MITF: variants seen among roughly 807,000 people sequenced by gnomAD.
MITF encodes melanocyte inducing transcription factor, also known as microphthalmia-associated transcription factor.
Under a neutral mutation model 60.5 loss-of-function variants are expected in MITF, and 17 were observed. That is an observed-to-expected ratio of 0.28 (90% CI 0.19 to 0.42). MITF has a LOEUF of 0.42. MITF is among the 10% of genes least tolerant of loss of function. MITF has a pLI of 1.00. For missense variants in MITF, 622 were observed against 683.5 expected (o/e 0.91, Z 1.00); for synonymous variants, 260 against 248.5 (o/e 1.05, Z -0.43).
At chr3:69,882,196 A>G (rs2107288634) in intron 2 of MITF, among the ~76,000 whole-genome samples, 1 of 152,288 alleles carries the variant, frequency 6.6e-6, no homozygotes, top group East Asian at 1.9e-4. Context: ...TGGTAAACTT[A>G]GGACTAGTCA....
intron 2 of MITF, among the ~76,000 whole-genome samples, chr3:69,881,668 T>C (rs1021515754): frequency 6.6e-6 from 1 of 152,088 alleles, no homozygotes; most frequent in East Asian, 1.9e-4. Flanking sequence ...TTTATAGTTT[T>C]TAAATCATAA....
chr3:69,769,472 T>TTC (rs1478638198), intron 1 of MITF: 2 of 108 alleles, frequency 0.019, no homozygotes, highest in Non-Finnish European at 0.038. Context: ...ATGTGATTTC[T>TTC]TTTTTTTTCC....
chr3:69,814,105 C>T (rs973502495), intron 1 of MITF, among the ~76,000 whole-genome samples: 5 of 151,860 alleles, frequency 3.3e-5, no homozygotes, highest in African/African-American at 4.8e-5. Context: ...ATTTCCTTTT[C>T]GACCTATTTC....
intron 1 of MITF, among the ~76,000 whole-genome samples, chr3:69,872,319 TA>T (rs758634990): frequency 8.7e-5 from 13 of 149,386 alleles, no homozygotes; most frequent in Non-Finnish European, 8.9e-5. Context: ...CACACTTTGG[TA>T]AAAAAAAAAT....
chr3:69,739,955 G>A (rs1267645705), intron 1 of MITF, among the ~76,000 whole-genome samples: 6 of 152,140 alleles, frequency 3.9e-5, no homozygotes, highest in Non-Finnish European at 4.4e-5. Flanking sequence ...CCAGGCGCGG[G>A]GACCCTCGGC....
Position 69,966,451 on chromosome 3 carries a change from T to C in MITF, c.*1203T>C. On this transcript the variant is annotated 3_prime_UTR_variant, in exon 10 of 10. Transcript: ENST00000352241. ...CCAGGCTTTCTAGAAAGAATAAACTTACATATTTATTTTTAGGACATGAAA... is the reference window on the plus strand; with the variant it reads ...CCAGGCTTTCTAGAAAGAATAAACTCACATATTTATTTTTAGGACATGAAA... 4.3e-6 allele frequency: 1 copy of C among 232,794 alleles called. No individual in the cohort carries two copies. The highest frequency in any genetic ancestry group is 1.3e-3 in the Middle Eastern group (1 of 774). The allele number at this position is 232,794 out of a possible 1,614,324, so 14.4% of individuals were successfully genotyped here.
intron 2 of MITF, among the ~76,000 whole-genome samples, chr3:69,904,139 C>T (rs997658462): frequency 2.0e-5 from 3 of 152,012 alleles, no homozygotes; most frequent in African/African-American, 4.8e-5. Context: ...TAATTATTGC[C>T]TCCCTTTGCA....
intron 2 of MITF, among the ~76,000 whole-genome samples, chr3:69,881,204 C>T (rs2064479672): frequency 6.6e-6 from 1 of 151,940 alleles, no homozygotes; most frequent in African/African-American, 2.4e-5. Flanking sequence ...AGAAAAATGT[C>T]CAAAGTTAAA....
At chr3:69,826,305 A>G (rs1312518460) in intron 1 of MITF, among the ~76,000 whole-genome samples, 1 of 152,226 alleles carries the variant, frequency 6.6e-6, no homozygotes, top group African/African-American at 2.4e-5. Context: ...ATATGGTCAT[A>G]TAGTAGGTAC....
chr3:69,858,006 T>G lies in MITF; in HGVS notation c.105-21128T>G, dbSNP rs567043241. Among the ~76,000 whole-genome samples, 11 of 152,270 alleles carry G rather than the reference T, an allele frequency of 7.2e-5. No individual in the cohort carries two copies. The East Asian group carries it at 2.1e-3, about 29-fold the overall frequency. ...TGTTATATCTGGCAGGTAATTAATA[T>G]GTAGTAAATGTTAAGGGGAGAATTT... On this transcript the variant is annotated intron_variant, in intron 1 of 9. Transcript: ENST00000352241.
At chr3:69,945,243 A>G (rs1385920879) in intron 5 of MITF, among the ~76,000 whole-genome samples, 1 of 152,206 alleles carries the variant, frequency 6.6e-6, no homozygotes, top group Non-Finnish European at 1.5e-5. Context: ...CACAACATTG[A>G]AGAACTCAAT....
chr3:69,915,792 A>G (rs1424617194), intron 2 of MITF, among the ~76,000 whole-genome samples: 4 of 152,174 alleles, frequency 2.6e-5, no homozygotes, highest in African/African-American at 7.2e-5. Flanking sequence ...TATTGCACCA[A>G]TAATTCAGTC....
intron 1 of MITF, among the ~76,000 whole-genome samples, chr3:69,785,246 G>A (rs931320780): frequency 1.8e-4 from 27 of 150,844 alleles, no homozygotes; most frequent in Non-Finnish European, 3.1e-4. Context: ...GGCGTGCTGC[G>A]GCAGTGGTGT....
rs756063005 is a variant in MITF at position 69,965,214 on chromosome 3, G to A, written c.1547G>A (p.Ser516Asn). The A allele has an allele frequency of 1.2e-6, 2 of 1,613,976 alleles. No individual in the cohort carries two copies. Among genetic ancestry groups the A allele is most frequent in the Non-Finnish European group, 8.5e-7 (1 of 1,179,844 alleles). Residue 516 changes from serine (S) to asparagine (N), a missense_variant, in exon 10 of 10, where the codon AGT (serine) becomes AAT (asparagine). Coordinates refer to ENST00000352241, the MANE Select transcript of MITF (RefSeq NM_001354604.2). ...TCCAAAACAAGCAGCCGGAGGAGCA[G>A]TATGAGCATGGAAGAGACGGAGCAC... ...GASKTSSRRS[S>N]MSMEETEHTC
At chr3:69,874,318 C>T (rs1213717881) in intron 1 of MITF, among the ~76,000 whole-genome samples, 2 of 152,164 alleles carry the variant, frequency 1.3e-5, no homozygotes, top group Non-Finnish European at 2.9e-5. Flanking sequence ...CTAAACTTTA[C>T]AAGACATATC....
chr3:69,905,020 A>G (rs1249185076), intron 2 of MITF, among the ~76,000 whole-genome samples: 1 of 152,218 alleles, frequency 6.6e-6, no homozygotes, highest in East Asian at 1.9e-4. Context: ...TTCCAAGTGT[A>G]TAATTTGATA....
In MITF at chr3:69,830,902, C is replaced by T. The variant is rs151214329; in HGVS notation, c.105-48232C>T. Among the ~76,000 whole-genome samples, 313 of 152,164 alleles carry T rather than the reference C, an allele frequency of 2.1e-3. 1 individual carries two copies. Among genetic ancestry groups the T allele is most frequent in the African/African-American group, 6.8e-3 (284 of 41,516 alleles). ...ATTTTCTTTTCAGATTACAAATATT[C>T]CCATTATCCATTTTCATCTTTTTCT... is the stretch of plus-strand genomic sequence containing the variant. On this transcript the variant is annotated intron_variant, in intron 1 of 9. Coordinates refer to ENST00000352241, the MANE Select transcript of MITF (RefSeq NM_001354604.2).
rs1559746759 is a variant in MITF, at chr3:69,953,680, G to GAC, written c.955+1795_955+1796insCA. Among the ~76,000 whole-genome samples the GAC allele has an allele frequency of 5.4e-5, 8 of 148,172 alleles. No homozygotes were observed. The East Asian group carries it at 1.2e-3, about 22-fold the overall frequency. On this transcript the variant is annotated intron_variant, in intron 7 of 9. Coordinates refer to ENST00000352241, the MANE Select transcript of MITF (RefSeq NM_001354604.2). ...ATATATATAGAGAGAGAGAGAGAGA[G>GAC]AGAGAGAGACAGAGACAGAGACAGA...
chr3:69,802,278 A>G (rs115500385), intron 1 of MITF, among the ~76,000 whole-genome samples: 33 of 152,182 alleles, frequency 2.2e-4, no homozygotes, highest in Admixed American at 2.0e-3. Flanking sequence ...CAGCCTCTGC[A>G]ACAATGATCC....
Sources: gnomAD v4.1 joint callset for allele counts (sites outside exome capture counted in the v4.1 genomes callset) on GRCh38, gnomAD v4.1.1 for gene constraint, MANE v1.5 for transcripts, NCBI Gene and HGNC (gene_info 2026-07-23, HGNC 2026-07-21) for gene names.